Variants in OSTF1 observed in about 807,000 individuals in gnomAD.
The protein encoded by OSTF1 is osteoclast-stimulating factor 1.
A neutral mutation model predicts 37.2 loss-of-function variants in OSTF1; 27 were observed. The ratio of observed to expected loss-of-function variants is 0.73; its 90% confidence interval spans 0.54 to 1.00. The LOEUF (loss-of-function observed/expected upper bound fraction) is 1.00, where lower values mean the gene tolerates loss of function less well. OSTF1 is among the 50% of genes least tolerant of loss of function. The pLI is 0.00. For synonymous variants in OSTF1, 82 were observed against 89.2 expected (o/e 0.92, Z 0.46); for missense variants, 232 against 253.8 (o/e 0.91, Z 0.58).
At chr9:75,117,749 T>C (rs1366907784) in intron 2 of OSTF1, among the ~76,000 whole-genome samples, 199 bp downstream of exon 2, 4 of 152,208 alleles carry the variant, frequency 2.6e-5, no homozygotes, top group Admixed American at 6.5e-5. Flanking sequence ...GTCATGTCTG[T>C]CTTGTAAAGC....
intron 1 of OSTF1, among the ~76,000 whole-genome samples, chr9:75,102,457 GTGAA>G (rs1205527088): frequency 1.3e-5 from 2 of 152,198 alleles, no homozygotes; most frequent in Non-Finnish European, 2.9e-5. Flanking sequence ...AAATATCAGA[GTGAA>G]TCACTCAAAG....
intron 8 of OSTF1, among the ~76,000 whole-genome samples, chr9:75,139,063 T>TCTTTTCTTTCTTTTCTTTTCTTTTC (rs1825896644): frequency 6.7e-6 from 1 of 148,308 alleles, no homozygotes; most frequent in African/African-American, 2.6e-5. Flanking sequence ...TCTTTTTTTT[T>TCTTTTCTTTCTTTTCTTTTCTTTTC]TGAAACTGGG....
intron 1 of OSTF1, among the ~76,000 whole-genome samples, chr9:75,116,009 C>G (rs1000722590): frequency 6.6e-6 from 1 of 152,074 alleles, no homozygotes; most frequent in Non-Finnish European, 1.5e-5. Context: ...GAGGCTGAGG[C>G]AGGAGAATCT....
chr9:75,090,684 A>AG (rs1824956633), intron 1 of OSTF1, among the ~76,000 whole-genome samples: 1 of 152,108 alleles, frequency 6.6e-6, no homozygotes, highest in East Asian at 1.9e-4. Context: ...GAAAAAAAAA[A>AG]AGCGATGGCC....
intron 1 of OSTF1, among the ~76,000 whole-genome samples, chr9:75,096,374 G>A (rs7023958): frequency 1.3e-5 from 2 of 152,080 alleles, no homozygotes. Flanking sequence ...CCTTATAATT[G>A]GATAAGCTAT....
intron 1 of OSTF1, among the ~76,000 whole-genome samples, chr9:75,090,131 C>CT (rs1824938013): frequency 6.6e-6 from 1 of 152,212 alleles, no homozygotes; most frequent in Non-Finnish European, 1.5e-5. Context: ...CCTTAAGTAT[C>CT]TAACAGTGCA....
intron 1 of OSTF1, among the ~76,000 whole-genome samples, chr9:75,112,818 A>G (rs1185661343): frequency 2.0e-5 from 3 of 152,220 alleles, no homozygotes; most frequent in African/African-American, 7.2e-5. Flanking sequence ...GCCTTCCCTC[A>G]AAGGAACAAG....
chr9:75,137,519 T>G lies in OSTF1; in HGVS notation c.409-19T>G. 6.5e-7 allele frequency: 1 copy of G among 1,538,814 alleles called. No individual in the cohort carries two copies. The highest frequency in any genetic ancestry group is 9.0e-7 in the Non-Finnish European group (1 of 1,111,682). On this transcript the variant is annotated intron_variant, in intron 7 of 9. Coordinates refer to ENST00000346234, the MANE Select transcript of OSTF1 (RefSeq NM_012383.5). ...ACCCTCTATCTTAAAAATGGTACTT[T>G]CTCTTTTTATCACTATAGAACAAGT...
intron 3 of OSTF1, among the ~76,000 whole-genome samples, chr9:75,127,856 T>C (rs1331602596): frequency 6.6e-6 from 1 of 151,620 alleles, no homozygotes; most frequent in East Asian, 1.9e-4. Context: ...TAGAAAGAAA[T>C]GGGGAATATC....
chr9:75,112,011 G>A (rs1825399653), intron 1 of OSTF1, among the ~76,000 whole-genome samples: 2 of 151,264 alleles, frequency 1.3e-5, no homozygotes, highest in South Asian at 2.1e-4. Context: ...CTTTAGTAGA[G>A]GTGGGGTTTC....
At chr9:75,141,963 G>A (rs1825951534) in intron 9 of OSTF1, among the ~76,000 whole-genome samples, 2 of 152,002 alleles carry the variant, frequency 1.3e-5, no homozygotes, top group Non-Finnish European at 2.9e-5. Context: ...GTCCAGGTTG[G>A]TCTCGAACTC....
chr9:75,114,095 A>G (rs1452022508), intron 1 of OSTF1, among the ~76,000 whole-genome samples: 2 of 152,142 alleles, frequency 1.3e-5, no homozygotes, highest in Non-Finnish European at 2.9e-5. Context: ...CTTCAGGTTC[A>G]TTAATGTTGT....
chr9:75,091,891 CACTT>C (rs1025886482), intron 1 of OSTF1, among the ~76,000 whole-genome samples: 3 of 152,198 alleles, frequency 2.0e-5, no homozygotes, highest in Non-Finnish European at 4.4e-5. Context: ...TAAAATGTGT[CACTT>C]ACTCTGAAAA....
chr9:75,091,391 C>T (rs922219876), intron 1 of OSTF1, among the ~76,000 whole-genome samples: 1 of 152,132 alleles, frequency 6.6e-6, no homozygotes, highest in Non-Finnish European at 1.5e-5. Context: ...ATTTGCTATT[C>T]TGCCTTAAGT....
In OSTF1 at chr9:75,088,604, A is replaced by C. The variant is rs1824853379; in HGVS notation, c.-89A>C. On this transcript the variant is annotated 5_prime_UTR_variant, in exon 1 of 10. Transcript: ENST00000346234. Reference sequence around the variant, plus strand: ...AGGCGCACGGTTGTAAGCCAGACAAAAAGAACTGGGGTGCCCGGAGTGCCA... The same window carrying C: ...AGGCGCACGGTTGTAAGCCAGACAACAAGAACTGGGGTGCCCGGAGTGCCA... The C allele has an allele frequency of 7.1e-7, 1 of 1,416,536 alleles. No individual in the cohort carries two copies. Among genetic ancestry groups the C allele is most frequent in the East Asian group, 2.5e-5 (1 of 40,612 alleles). The allele number at this position is 1,416,536 out of a possible 1,614,324, so 87.7% of individuals were successfully genotyped here.
chr9:75,096,594 G>C (rs11794839), intron 1 of OSTF1, among the ~76,000 whole-genome samples: 39,401 of 152,042 alleles, frequency 0.26, 5,952 homozygotes, highest in East Asian at 0.42. Context: ...ATTTTGCTTG[G>C]TTCTGAGAAA....
At chr9:75,095,745 T>A (rs1282994769) in intron 1 of OSTF1, among the ~76,000 whole-genome samples, 1 of 152,202 alleles carries the variant, frequency 6.6e-6, no homozygotes, top group Admixed American at 6.5e-5. Context: ...AGCAAGAATT[T>A]AAATGCACAC....
chr9:75,123,188 G>A (rs573418203), intron 2 of OSTF1, among the ~76,000 whole-genome samples: 88 of 152,338 alleles, frequency 5.8e-4, no homozygotes, highest in African/African-American at 2.0e-3. Flanking sequence ...CTGGGAGGCC[G>A]AGGCGGGTGG....
intron 9 of OSTF1, among the ~76,000 whole-genome samples, chr9:75,145,604 G>A (rs1159007147): frequency 6.6e-6 from 1 of 152,122 alleles, no homozygotes; most frequent in East Asian, 1.9e-4. Flanking sequence ...TTACGCAGAG[G>A]AACAGTTAAT....
Sources: allele counts gnomAD v4.1 joint callset (sites outside exome capture counted in the v4.1 genomes callset), GRCh38; gene constraint gnomAD v4.1.1; transcripts MANE v1.5; gene names NCBI Gene and HGNC (gene_info 2026-07-23, HGNC 2026-07-21).